STOX1: variants seen among roughly 807,000 people sequenced by gnomAD.
STOX1 encodes storkhead box 1.
Under a neutral mutation model 74.8 loss-of-function variants are expected in STOX1, and 57 were observed. The ratio of observed to expected loss-of-function variants is 0.76; its 90% CI spans 0.62 to 0.95. STOX1 has a LOEUF of 0.95. Ranked by LOEUF, STOX1 falls within the 40% of genes least tolerant of loss-of-function variation. STOX1 has a pLI of 0.00. For synonymous variants in STOX1, 375 were observed against 401.3 expected (o/e 0.93, Z 0.78); for missense variants, 1,010 against 1,117.0 (o/e 0.90, Z 1.37).
intron 1 of STOX1, among the ~76,000 whole-genome samples, chr10:68,874,058 G>T (rs1486373956): frequency 1.3e-5 from 1 of 76,248 alleles, no homozygotes; most frequent in Non-Finnish European, 2.6e-5. Context: ...CCTTGGGAAA[G>T]TTACCATCTT....
intron 1 of STOX1, among the ~76,000 whole-genome samples, chr10:68,853,283 T>C (rs1840035800): frequency 1.3e-5 from 2 of 152,104 alleles, no homozygotes; most frequent in South Asian, 4.1e-4. Context: ...GGGTTCGCCT[T>C]AAGCAGCACT....
intron 1 of STOX1, among the ~76,000 whole-genome samples, chr10:68,880,046 G>T (rs1481827587): frequency 6.6e-6 from 1 of 151,884 alleles, no homozygotes; most frequent in Non-Finnish European, 1.5e-5. Flanking sequence ...CCAAAGTTGA[G>T]AAACGCTGCT....
At chr10:68,875,422 C>A (rs1330265464) in intron 1 of STOX1, among the ~76,000 whole-genome samples, 1 of 152,164 alleles carries the variant, frequency 6.6e-6, no homozygotes, top group Admixed American at 6.5e-5. Flanking sequence ...CTACAGCTAC[C>A]CTGCTGGGTC....
intron 1 of STOX1, among the ~76,000 whole-genome samples, chr10:68,840,010 T>C (rs1839653899): frequency 6.6e-6 from 1 of 152,140 alleles, no homozygotes; most frequent in East Asian, 1.9e-4. Context: ...TGGAACAGGA[T>C]AGAGAGCCCA....
At chr10:68,894,807 C>T (rs978028665), downstream of STOX1, among the ~76,000 whole-genome samples, 2 of 152,182 alleles carry the variant, frequency 1.3e-5, no homozygotes, top group Admixed American at 1.3e-4. Flanking sequence ...CACACTGCAG[C>T]CTCGACCTGT....
At chr10:68,866,030 C>A (rs1241090399) in intron 1 of STOX1, among the ~76,000 whole-genome samples, 1 of 151,944 alleles carries the variant, frequency 6.6e-6, no homozygotes, top group Non-Finnish European at 1.5e-5. Context: ...TCAAACCTTG[C>A]AAATTTTTTC....
intron 1 of STOX1, among the ~76,000 whole-genome samples, chr10:68,877,002 C>G (rs894365143): frequency 6.6e-6 from 1 of 152,134 alleles, no homozygotes; most frequent in Non-Finnish European, 1.5e-5. Flanking sequence ...TAAGTGTTCC[C>G]GTGTCAGGGT....
chr10:68,831,351 T>C (rs1280273326), intron 1 of STOX1, among the ~76,000 whole-genome samples: 1 of 152,056 alleles, frequency 6.6e-6, no homozygotes, highest in Non-Finnish European at 1.5e-5. Flanking sequence ...CATGCCCAGC[T>C]AATTTTTGTA....
chr10:68,881,865 T>C, intron 1 of STOX1, 93 bp from the exon 2 acceptor site: 1 of 1,413,504 alleles, frequency 7.1e-7, no homozygotes, highest in East Asian at 2.3e-5. Context: ...ATTCTACCTA[T>C]TAGTCTTTAT....
rs760675049 is a variant in STOX1 at position 68,886,524 on chromosome 10, C to G, written c.2728C>G (p.Pro910Ala). The G allele has an allele frequency of 6.2e-7, 1 of 1,614,062 alleles. No homozygotes were observed. The highest frequency in any genetic ancestry group is 8.5e-7 in the Non-Finnish European group (1 of 1,179,946). Residue 910 changes from proline (P) to alanine (A), a missense_variant, in exon 3 of 4, where the codon CCA becomes GCA. Transcript: ENST00000298596. The stretch of plus-strand genomic sequence containing the variant: ...CCAACTTTTCAACACTTCACATATG[C>G]CAGTGTTGGCTCAGGATGTCCAATA... Reference protein sequence around the residue: ...KFQLFNTSHMPVLAQDVQYEH... With the variant: ...KFQLFNTSHMAVLAQDVQYEH...
At chr10:68,839,383 C>T (rs950739885) in intron 1 of STOX1, among the ~76,000 whole-genome samples, 8 of 152,014 alleles carry the variant, frequency 5.3e-5, no homozygotes, top group Non-Finnish European at 7.4e-5. Context: ...CCACCACACC[C>T]GGCTAATTTT....
chr10:68,879,268 G>A lies in STOX1; in HGVS notation c.311-2690G>A, dbSNP rs149165789. Among the ~76,000 whole-genome samples, 399 of 151,664 alleles carry A rather than the reference G, an allele frequency of 2.6e-3. 1 individual carries two copies. The highest frequency in any genetic ancestry group is 8.8e-3 in the African/African-American group (362 of 41,318). ...AGCTCCTCAAACCCCCTTTCCACCCGCCATCCTCTCATTCCCATTTTTCCC... is the reference window on the plus strand; with the variant it reads ...AGCTCCTCAAACCCCCTTTCCACCCACCATCCTCTCATTCCCATTTTTCCC... On this transcript the variant is annotated intron_variant, in intron 1 of 3. Transcript: ENST00000298596.
chr10:68,849,351 T>C (rs1429331171), intron 1 of STOX1, among the ~76,000 whole-genome samples: 1 of 152,184 alleles, frequency 6.6e-6, no homozygotes, highest in Admixed American at 6.5e-5. Flanking sequence ...TCTCAACCCA[T>C]TGAATCACTG....
At chr10:68,872,967 G>A (rs1345313471) in intron 1 of STOX1, among the ~76,000 whole-genome samples, 1 of 148,044 alleles carries the variant, frequency 6.8e-6, no homozygotes, top group Non-Finnish European at 1.5e-5. Context: ...CTTTAATTTT[G>A]TCCCTGAGGT....
At chr10:68,843,907 G>A (rs925196507) in intron 1 of STOX1, among the ~76,000 whole-genome samples, 2 of 151,824 alleles carry the variant, frequency 1.3e-5, no homozygotes, top group South Asian at 2.1e-4. Flanking sequence ...TGGGCCGGGC[G>A]CCATGGCTCA....
chr10:68,846,119 T>TTTATTATTATTATTATTA (rs201726154), intron 1 of STOX1, among the ~76,000 whole-genome samples: 71 of 135,838 alleles, frequency 5.2e-4, no homozygotes, highest in Non-Finnish European at 6.2e-4. Context: ...GCTTGAGGTT[T>TTTATTATTATTATTATTA]TTATTATTAT....
Position 68,846,116 on chromosome 10 carries a change from GTTTTTATTATTATTA to G in STOX1, c.310+18186_310+18200del, listed in dbSNP as rs977598711. 9.6e-5 allele frequency among the ~76,000 whole-genome samples: 9 copies of G among 93,802 alleles called. No homozygotes were observed. In the South Asian group the frequency reaches 1.2e-3, roughly 12 times the overall value. The allele number at this position is 93,802 out of a possible 152,430, so 61.5% of individuals were successfully genotyped here. ...TATGTGGTACAAGTTATGGCTTGAG[GTTTTTATTATTATTA>G]TTATTATTATTATTATTATTATTAT... On this transcript the variant is annotated intron_variant, in intron 1 of 3. Transcript: ENST00000298596.
chr10:68,889,956 A>ATTTT (rs554853780), intron 3 of STOX1, among the ~76,000 whole-genome samples: 2 of 130,244 alleles, frequency 1.5e-5, no homozygotes, highest in Non-Finnish European at 3.3e-5. Flanking sequence ...GTGTGTGTGT[A>ATTTT]TTTTTTTTTT....
intron 1 of STOX1, among the ~76,000 whole-genome samples, chr10:68,877,084 T>C (rs1840700104): frequency 6.6e-6 from 1 of 152,172 alleles, no homozygotes. Flanking sequence ...GCAACGACTG[T>C]GAAGGAACTG....
Sources: gnomAD v4.1 joint callset for allele counts (sites outside exome capture counted in the v4.1 genomes callset) on GRCh38, gnomAD v4.1.1 for gene constraint, MANE v1.5 for transcripts, NCBI Gene and HGNC (gene_info 2026-07-23, HGNC 2026-07-21) for gene names.